Variants in ULK4 observed in about 807,000 individuals in gnomAD.
The protein encoded by ULK4 is inactive serine/threonine-protein kinase ULK4.
Under a neutral mutation model 160.6 loss-of-function variants are expected in ULK4, and 133 were observed. The observed-to-expected ratio is 0.83, with a 90% CI of 0.72 to 0.96. ULK4 has a LOEUF of 0.96. Ranked by LOEUF, ULK4 falls within the 40% of genes least tolerant of loss-of-function variation. ULK4 has a pLI of 0.00. For missense variants in ULK4, 1,580 were observed against 1,499.5 expected (o/e 1.05, Z -0.89); for synonymous variants, 534 against 539.8 (o/e 0.99, Z 0.15).
intron 30 of ULK4, among the ~76,000 whole-genome samples, chr3:41,654,949 T>A (rs2034873776): frequency 6.6e-6 from 1 of 152,198 alleles, no homozygotes; most frequent in South Asian, 2.1e-4. Context: ...CTTCTCACTG[T>A]GAGGCTTTTC....
intron 22 of ULK4, among the ~76,000 whole-genome samples, chr3:41,727,068 A>G (rs1021022086): frequency 6.6e-6 from 1 of 150,872 alleles, no homozygotes; most frequent in Non-Finnish European, 1.5e-5. Context: ...TCTGACCACA[A>G]TTTTCTTACT....
At chr3:41,279,270 A>AAC (rs1559501617) in intron 35 of ULK4, among the ~76,000 whole-genome samples, 3 of 146,404 alleles carry the variant, frequency 2.0e-5, no homozygotes, top group East Asian at 3.9e-4. Context: ...AAAAAAAAAA[A>AAC]AAAAACAAAA....
chr3:41,723,967 T>C (rs984607280), intron 22 of ULK4, among the ~76,000 whole-genome samples: 2 of 152,128 alleles, frequency 1.3e-5, no homozygotes, highest in Non-Finnish European at 2.9e-5. Context: ...AAAGTTCACA[T>C]TAAAAATGCC....
intron 32 of ULK4, among the ~76,000 whole-genome samples, chr3:41,467,731 T>A (rs1209789741): frequency 6.6e-6 from 1 of 152,238 alleles, no homozygotes; most frequent in African/African-American, 2.4e-5. Flanking sequence ...AAATAAGTTG[T>A]ATGAACACAT....
intron 17 of ULK4, among the ~76,000 whole-genome samples, chr3:41,840,438 T>C (rs982971255): frequency 6.6e-6 from 1 of 152,248 alleles, no homozygotes; most frequent in Non-Finnish European, 1.5e-5. Context: ...TGTACTGCCG[T>C]GGTCTCAGCT....
intron 30 of ULK4, among the ~76,000 whole-genome samples, chr3:41,640,634 A>T (rs752846850): frequency 1.3e-5 from 2 of 152,146 alleles, no homozygotes; most frequent in African/African-American, 2.4e-5. Flanking sequence ...CAAAATGCTT[A>T]AGTCTGAGCA....
chr3:41,924,721 T>C (rs528747475), intron 5 of ULK4, among the ~76,000 whole-genome samples: 42 of 152,330 alleles, frequency 2.8e-4, no homozygotes, highest in African/African-American at 1.0e-3. Flanking sequence ...CATGAAATCT[T>C]ACCATATACA....
chr3:41,938,048 G>T (rs1337050046), intron 3 of ULK4, 50 bp downstream of exon 3: 3 of 1,360,098 alleles, frequency 2.2e-6, no homozygotes, highest in East Asian at 2.4e-5. Context: ...TTAACAGCAT[G>T]TTTTTTTTCA....
At chr3:41,286,009 T>C (rs1444431963) in intron 35 of ULK4, among the ~76,000 whole-genome samples, 2 of 152,210 alleles carry the variant, frequency 1.3e-5, no homozygotes, top group South Asian at 2.1e-4. Flanking sequence ...AGAGTGTTCA[T>C]TTTATATTCT....
intron 21 of ULK4, among the ~76,000 whole-genome samples, chr3:41,776,036 T>C (rs1425408277): frequency 3.3e-5 from 5 of 150,976 alleles, no homozygotes; most frequent in African/African-American, 1.2e-4. Context: ...ATGTGCATCT[T>C]CAACTTCATT....
rs1201935978 is a variant in ULK4, at chr3:41,574,528, CCTCTT to C, written c.3121-8403_3121-8399del. ...TCACCTCCACTACTGCTACCAGAGTCCTCTTTTTTTTTTTTTTTTTTTTTTTTTTT... is the reference window on the plus strand; with the variant it reads ...TCACCTCCACTACTGCTACCAGAGTCTTTTTTTTTTTTTTTTTTTTTTTTT... On this transcript the variant is annotated intron_variant, in intron 31 of 36. Transcript: ENST00000301831. Among the ~76,000 whole-genome samples, 189 of 106,306 alleles carry C rather than the reference CCTCTT, an allele frequency of 1.8e-3. 12 individuals are homozygous for C. The highest frequency in any genetic ancestry group is 0.01 in the South Asian group (29 of 2,828). The allele number at this position is 106,306 out of a possible 152,430, so 69.7% of individuals were successfully genotyped here.
intron 7 of ULK4, among the ~76,000 whole-genome samples, chr3:41,916,869 G>A (rs1375805284): frequency 1.3e-5 from 2 of 151,774 alleles, no homozygotes; most frequent in East Asian, 3.9e-4. Context: ...CACCATGCCT[G>A]GCTAATTTTT....
intron 4 of ULK4, among the ~76,000 whole-genome samples, chr3:41,932,338 T>A (rs1699631364): frequency 6.6e-6 from 1 of 152,212 alleles, no homozygotes; most frequent in African/African-American, 2.4e-5. Context: ...TATAACAGGA[T>A]TTGAAAACCC....
At position 41,799,947 on chromosome 3, in the gene ULK4, A is replaced by G. The variant is rs541014354; in HGVS notation, c.2010+185T>C. ...TTTATTGAAATTCTCTCACAGTCTC[A>G]AGGTTTTCCAGTTCCAAGTTTTCAA... On this transcript the variant is annotated intron_variant, in intron 20 of 36. Transcript: ENST00000301831. Among the ~76,000 whole-genome samples, 150 of 152,286 alleles carry G rather than the reference A, an allele frequency of 9.8e-4. 1 individual carries two copies. Among genetic ancestry groups the G allele is most frequent in the African/African-American group, 3.4e-3 (143 of 41,574 alleles).
At chr3:41,935,198 T>TTTAC (rs1175050294) in intron 4 of ULK4, among the ~76,000 whole-genome samples, 5 of 7,032 alleles carry the variant, frequency 7.1e-4, no homozygotes, top group African/African-American at 8.0e-4. Flanking sequence ...TGTGTTTTTA[T>TTTAC]TTATTTATTT....
chr3:41,470,956 A>C lies in ULK4; in HGVS notation c.3227-7703T>G, dbSNP rs188186463. Among the ~76,000 whole-genome samples the C allele has an allele frequency of 2.6e-5, 4 of 152,270 alleles. No individual in the cohort carries two copies. The East Asian group carries it at 5.8e-4, about 22-fold the overall frequency. On this transcript the variant is annotated intron_variant, in intron 32 of 36. Coordinates refer to ENST00000301831, the MANE Select transcript of ULK4 (RefSeq NM_017886.4). ...AACAACCAGAAAATAATAAAATGACAGAAGTCCTTACCTATTGATAATTAC... is the reference window on the plus strand; with the variant it reads ...AACAACCAGAAAATAATAAAATGACCGAAGTCCTTACCTATTGATAATTAC...
intron 33 of ULK4, among the ~76,000 whole-genome samples, chr3:41,457,407 A>G (rs2083580414): frequency 6.6e-6 from 1 of 152,176 alleles, no homozygotes; most frequent in African/African-American, 2.4e-5. Flanking sequence ...ACCAGTATTC[A>G]TGTGGCCACC....
At chr3:41,696,106 AT>A (rs1452811119) in intron 27 of ULK4, among the ~76,000 whole-genome samples, 1 of 151,970 alleles carries the variant, frequency 6.6e-6, no homozygotes, top group Admixed American at 6.5e-5. Context: ...GGGAAAGGCA[AT>A]CTCCCTTTCC....
chr3:41,381,141 T>C (rs183282501), intron 35 of ULK4, among the ~76,000 whole-genome samples: 6 of 152,318 alleles, frequency 3.9e-5, no homozygotes, highest in Non-Finnish European at 7.4e-5. Flanking sequence ...TCACTGTCAG[T>C]GTCTTCAACA....
Sources: gnomAD v4.1 joint callset for allele counts (sites outside exome capture counted in the v4.1 genomes callset) on GRCh38, gnomAD v4.1.1 for gene constraint, MANE v1.5 for transcripts, NCBI Gene and HGNC (gene_info 2026-07-23, HGNC 2026-07-21) for gene names.